The following YAE1 variants were observed in gnomAD, a reference collection of about 807,000 sequenced individuals.
YAE1 encodes the protein YAE1 maturation factor of ABCE1.
Under a neutral mutation model 23.0 loss-of-function variants are expected in YAE1, and 22 were observed. The observed-to-expected ratio is 0.96, with a 90% CI of 0.68 to 1.37. The LOEUF (loss-of-function observed/expected upper bound fraction) is 1.37. Among genes scored for constraint, YAE1 ranks in the 40% most tolerant of loss-of-function variants. The pLI, the probability that YAE1 is intolerant of heterozygous loss-of-function variation, is 0.00. For missense variants in YAE1, 260 were observed against 262.1 expected (o/e 0.99, Z 0.06); for synonymous variants, 101 against 97.0 (o/e 1.04, Z -0.24).
intron 1 of YAE1, among the ~76,000 whole-genome samples, chr7:39,567,921 G>A (rs1790500637): frequency 6.6e-6 from 1 of 152,104 alleles, no homozygotes; most frequent in Non-Finnish European, 1.5e-5. Context: ...CCTTTAAGGA[G>A]TATGCTCTTT....
downstream of YAE1, among the ~76,000 whole-genome samples, chr7:39,577,685 C>G (rs1400871168): frequency 6.6e-6 from 1 of 152,236 alleles, no homozygotes; most frequent in Non-Finnish European, 1.5e-5. Context: ...AGCCTCACCC[C>G]CACTGTGGGC....
intron 1 of YAE1, 40 bp downstream of exon 1, chr7:39,566,587 G>T (rs1251129113): frequency 1.2e-6 from 2 of 1,609,960 alleles, no homozygotes; most frequent in Non-Finnish European, 8.5e-7. Context: ...TGGGTTGTGG[G>T]AAGAGGCGCG....
intron 2 of YAE1, among the ~76,000 whole-genome samples, chr7:39,594,459 A>G (rs979495050): frequency 6.6e-6 from 1 of 152,120 alleles, no homozygotes; most frequent in African/African-American, 2.4e-5. Flanking sequence ...TTTCCTCTAA[A>G]TTTGATTCCT....
At chr7:39,576,083 A>G (rs1380318750), downstream of YAE1, among the ~76,000 whole-genome samples, 1 of 152,044 alleles carries the variant, frequency 6.6e-6, no homozygotes, top group Non-Finnish European at 1.5e-5. Context: ...TCACCTATTA[A>G]TGTCATCCCT....
chr7:39,597,336 G>A (rs1175099543), intron 2 of YAE1, among the ~76,000 whole-genome samples: 1 of 152,158 alleles, frequency 6.6e-6, no homozygotes, highest in Admixed American at 6.5e-5. Flanking sequence ...TTGGGAGGTG[G>A]AAGTGAGAGG....
chr7:39,570,656 A>G, intron 2 of YAE1, 29 bp downstream of exon 2: 1 of 1,573,280 alleles, frequency 6.4e-7, no homozygotes, highest in African/African-American at 1.4e-5. Flanking sequence ...ATGCTGAATC[A>G]TTTTAACCTC....
rs1473857978 is a variant in YAE1 at position 39,610,107 on chromosome 7, C to T, written c.*121C>T. The T allele has an allele frequency of 1.0e-5, 12 of 1,192,212 alleles. No individual in the cohort carries two copies. The South Asian group carries it at 1.1e-4, about 11-fold the overall frequency. The allele number at this position is 1,192,212 out of a possible 1,614,324, so 73.9% of individuals were successfully genotyped here. A position where few individuals can be genotyped will look rare whatever the true frequency, so the allele number is the denominator to read the frequency against. ...GATGGACCAGCCCACCTTGGCCCTC[C>T]GGCAAGCTAGAACAATATGTACACG... On this transcript the variant is annotated 3_prime_UTR_variant, in exon 3 of 3. Transcript: ENST00000432096.
chr7:39,597,648 T>C (rs1790995444), intron 2 of YAE1, among the ~76,000 whole-genome samples: 1 of 152,202 alleles, frequency 6.6e-6, no homozygotes, highest in Admixed American at 6.5e-5. Flanking sequence ...AAACCAGTGT[T>C]AGCAGCAGGG....
intron 2 of YAE1, 145 bp downstream of exon 2, chr7:39,570,772 C>A: frequency 9.5e-7 from 1 of 1,054,632 alleles, no homozygotes; most frequent in Non-Finnish European, 1.3e-6. Flanking sequence ...ATTATATTGC[C>A]TTCAAAAAGT....
Position 39,572,749 on chromosome 7 carries a change from TG to T in YAE1, c.*45del, listed in dbSNP as rs776344255. ...TAATGAAAATAATGTTCAGAACATT[TG>T]GTTTCCTAACAATCGAAATTTGTAC... On this transcript the variant is annotated 3_prime_UTR_variant, in exon 3 of 3. Coordinates refer to ENST00000223273, the MANE Select transcript of YAE1 (RefSeq NM_020192.5). The T allele has an allele frequency of 6.6e-7, 1 of 1,525,832 alleles. No homozygotes were observed. The highest frequency in any genetic ancestry group is 8.8e-7 in the Non-Finnish European group (1 of 1,142,526). 94.5% of individuals were successfully genotyped at this position (1,525,832 alleles called of 1,614,324 possible).
chr7:39,578,682 C>T (rs1009481230), intron 2 of YAE1, among the ~76,000 whole-genome samples: 6 of 152,076 alleles, frequency 3.9e-5, no homozygotes, highest in African/African-American at 1.4e-4. Context: ...AAAGAAACTC[C>T]GAACACGTCT....
chr7:39,573,122 GACAC>G (rs768580067), downstream of YAE1, among the ~76,000 whole-genome samples: 1 of 152,094 alleles, frequency 6.6e-6, no homozygotes, highest in African/African-American at 2.4e-5. Flanking sequence ...CGTAAATATA[GACAC>G]ACAGACAGAT....
chr7:39,587,055 C>CTCTT (rs902181500), intron 2 of YAE1, among the ~76,000 whole-genome samples: 1 of 149,498 alleles, frequency 6.7e-6, no homozygotes, highest in African/African-American at 2.5e-5. Flanking sequence ...TTCTTTCTTT[C>CTCTT]TCTTTCTTTC....
At chr7:39,573,678 A>G (rs895004193), downstream of YAE1, among the ~76,000 whole-genome samples, 2 of 152,162 alleles carry the variant, frequency 1.3e-5, no homozygotes, top group Non-Finnish European at 2.9e-5. Context: ...ATCTAAGCTG[A>G]AAGACAGGCA....
intron 2 of YAE1, among the ~76,000 whole-genome samples, chr7:39,583,912 A>G (rs1790779065): frequency 6.6e-6 from 1 of 152,228 alleles, no homozygotes; most frequent in Non-Finnish European, 1.5e-5. Context: ...CACTTAGGAC[A>G]CTGCCTGCTA....
chr7:39,584,362 T>C (rs1469692450), intron 2 of YAE1, among the ~76,000 whole-genome samples: 1 of 152,182 alleles, frequency 6.6e-6, no homozygotes, highest in African/African-American at 2.4e-5. Context: ...TGTCCTGCAA[T>C]GTCCAGGTCA....
At chr7:39,569,317 A>G in intron 1 of YAE1, 1 of 312,100 alleles carries the variant, frequency 3.2e-6, no homozygotes, top group Non-Finnish European at 6.4e-6. Flanking sequence ...ACTTCAAACC[A>G]AAAGAAATAA....
chr7:39,582,808 A>G (rs931738875), intron 2 of YAE1, among the ~76,000 whole-genome samples: 11 of 152,212 alleles, frequency 7.2e-5, no homozygotes, highest in African/African-American at 2.7e-4. Flanking sequence ...GTAACCAGGG[A>G]CAACTTGAGA....
intron 1 of YAE1, chr7:39,569,789 G>A (rs976156931): frequency 9.2e-5 from 70 of 763,502 alleles, no homozygotes; most frequent in East Asian, 3.0e-4. Flanking sequence ...ATGATGAAAC[G>A]GGTTCAATAC....
Sources: gnomAD v4.1 joint callset for allele counts (sites outside exome capture counted in the v4.1 genomes callset) on GRCh38, gnomAD v4.1.1 for gene constraint, MANE v1.5 for transcripts, NCBI Gene and HGNC (gene_info 2026-07-23, HGNC 2026-07-21) for gene names.